The following RYR3 variants were observed in gnomAD, a reference collection of about 807,000 sequenced individuals.
RYR3 encodes ryanodine receptor 3.
In RYR3, 207 loss-of-function variants were observed where a neutral mutation model predicts 584.3. The ratio of observed to expected loss-of-function variants is 0.35; its 90% CI spans 0.32 to 0.40. RYR3 has a LOEUF of 0.40. Ranked by LOEUF, RYR3 falls within the 10% of genes least tolerant of loss-of-function variation. RYR3 has a pLI of 1.00. For missense variants in RYR3, 5,616 were observed against 6,089.2 expected, an observed-to-expected ratio of 0.92 and a Z score of 2.59; for synonymous variants, 2,416 against 2,248.5, an observed-to-expected ratio of 1.07 and a Z score of -2.11.
intron 2 of RYR3, among the ~76,000 whole-genome samples, chr15:33,500,673 T>C (rs901884806): frequency 6.6e-6 from 1 of 152,162 alleles, no homozygotes; most frequent in African/African-American, 2.4e-5. Flanking sequence ...ACTTGCCCCG[T>C]GCCTGCCAGG....
At chr15:33,699,484 C>T (rs1171684463) in intron 40 of RYR3, among the ~76,000 whole-genome samples, 1 of 151,828 alleles carries the variant, frequency 6.6e-6, no homozygotes, top group Non-Finnish European at 1.5e-5. Context: ...ACATGACTTC[C>T]GAGGATGATT....
In RYR3 at chr15:33,623,893, C is replaced by T; in HGVS notation, c.2444C>T (p.Pro815Leu). The change falls in exon 20 of 104, where the codon CCA becomes CTA. Residue 815 changes from proline (P) to leucine (L), a missense_variant. Transcript: ENST00000634891. ...GCCCCTTGCTATGAAGCCTTACTTC[C>T]AAAAGAGAAGATGAGATTGGAGCCT... ...GYAPCYEALL[P>L]KEKMRLEPVK... 1 of 1,613,730 alleles carries T rather than the reference C, an allele frequency of 6.2e-7. No individual in the cohort carries two copies. The highest frequency in any genetic ancestry group is 8.5e-7 in the Non-Finnish European group (1 of 1,179,730).
chr15:33,666,850 C>T (rs1232455489), intron 36 of RYR3, among the ~76,000 whole-genome samples: 1 of 152,186 alleles, frequency 6.6e-6, no homozygotes, highest in Non-Finnish European at 1.5e-5. Flanking sequence ...TCAGCTCAAC[C>T]CAGCTTTCTG....
chr15:33,611,236 CCTA>C (rs2060168483), intron 18 of RYR3, among the ~76,000 whole-genome samples: 1 of 152,020 alleles, frequency 6.6e-6, no homozygotes, highest in African/African-American at 2.4e-5. Flanking sequence ...GCTACAAAAA[CCTA>C]CTATACCCCA....
chr15:33,541,657 C>T (rs1298889995), intron 7 of RYR3, among the ~76,000 whole-genome samples: 1 of 152,130 alleles, frequency 6.6e-6, no homozygotes. Flanking sequence ...CTAGTACTTT[C>T]AAACTGGGAA....
chr15:33,340,584 G>A (rs1345747677), intron 1 of RYR3, among the ~76,000 whole-genome samples: 1 of 152,126 alleles, frequency 6.6e-6, no homozygotes, highest in Non-Finnish European at 1.5e-5. Flanking sequence ...TCTCTCTTTG[G>A]CTTGTGGATG....
At chr15:33,694,019 G>A (rs574060765) in intron 38 of RYR3, among the ~76,000 whole-genome samples, 9 of 152,192 alleles carry the variant, frequency 5.9e-5, no homozygotes, top group East Asian at 3.9e-4. Context: ...CCAGGAGGAC[G>A]TTACTTTTCT....
chr15:33,440,521 A>G (rs1030605012), intron 1 of RYR3, among the ~76,000 whole-genome samples: 1 of 152,158 alleles, frequency 6.6e-6, no homozygotes, highest in Non-Finnish European at 1.5e-5. Flanking sequence ...TGCTATTGGC[A>G]TCTAGTGGGT....
rs557684600 is a variant in RYR3, at chr15:33,458,455, C to T, written c.52-14964C>T. Among the ~76,000 whole-genome samples the T allele has an allele frequency of 1.4e-3, 216 of 152,308 alleles. 1 individual carries two copies. The highest frequency in any genetic ancestry group is 5.0e-3 in the African/African-American group (206 of 41,568). ...CCTGGTTCTCAGCCTGCAGAGGCCACGTCGTGGGACTTCTCAGCTTCCATA... is the reference window on the plus strand; with the variant it reads ...CCTGGTTCTCAGCCTGCAGAGGCCATGTCGTGGGACTTCTCAGCTTCCATA... On this transcript the variant is annotated intron_variant, in intron 1 of 103. Transcript: ENST00000634891.
chr15:33,738,277 G>A (rs1210934624), intron 49 of RYR3, among the ~76,000 whole-genome samples, 173 bp from the exon 50 acceptor site: 2 of 152,166 alleles, frequency 1.3e-5, no homozygotes, highest in Non-Finnish European at 2.9e-5. Context: ...CCCAGCTTGA[G>A]AGCAGACTGT....
intron 24 of RYR3, among the ~76,000 whole-genome samples, chr15:33,633,974 T>A (rs530877138): frequency 6.6e-6 from 1 of 152,358 alleles, no homozygotes; most frequent in South Asian, 2.1e-4. Flanking sequence ...TGCTTTGCCT[T>A]GGGAATGGAG....
intron 1 of RYR3, among the ~76,000 whole-genome samples, chr15:33,440,197 G>T (rs2676021): frequency 6.6e-6 from 1 of 151,980 alleles, no homozygotes; most frequent in African/African-American, 2.4e-5. Context: ...TGAGGTGGGA[G>T]GATCACTTGA....
intron 78 of RYR3, 96 bp downstream of exon 78, chr15:33,820,908 C>CTCTTGTCTCT: frequency 1.8e-6 from 1 of 542,060 alleles, no homozygotes; most frequent in Non-Finnish European, 3.1e-6. Context: ...TTGAGCATTT[C>CTCTTGTCTCT]CTGCATTCAG....
intron 1 of RYR3, among the ~76,000 whole-genome samples, chr15:33,424,647 C>G (rs1005861650): frequency 6.6e-6 from 1 of 152,146 alleles, no homozygotes; most frequent in African/African-American, 2.4e-5. Context: ...AAAAAGATTC[C>G]TCTCTCTGAA....
chr15:33,608,816 A>G (rs2060030845), intron 18 of RYR3, among the ~76,000 whole-genome samples: 1 of 152,246 alleles, frequency 6.6e-6, no homozygotes, highest in South Asian at 2.1e-4. Flanking sequence ...AGGTGGGAAA[A>G]GACAGTGTCT....
At chr15:33,346,759 G>A (rs937690838) in intron 1 of RYR3, among the ~76,000 whole-genome samples, 10 of 152,072 alleles carry the variant, frequency 6.6e-5, no homozygotes, top group African/African-American at 2.2e-4. Context: ...CAGCATAATC[G>A]TGCTTGCTTT....
intron 51 of RYR3, among the ~76,000 whole-genome samples, chr15:33,741,815 C>T (rs1003957267): frequency 2.6e-5 from 4 of 152,164 alleles, no homozygotes; most frequent in East Asian, 1.9e-4. Context: ...GGGGTTTCAC[C>T]GTGTTAGCCA....
chr15:33,352,279 T>C (rs967456471), intron 1 of RYR3, among the ~76,000 whole-genome samples: 3 of 152,190 alleles, frequency 2.0e-5, no homozygotes, highest in African/African-American at 7.2e-5. Flanking sequence ...CCCCTTTCTG[T>C]GGCTTATCTT....
At chr15:33,431,362 C>A in intron 1 of RYR3, among the ~76,000 whole-genome samples, 1 of 152,102 alleles carries the variant, frequency 6.6e-6, no homozygotes, top group Non-Finnish European at 1.5e-5. Flanking sequence ...TTATGAGATA[C>A]CATATAGTTT....
Sources: gnomAD v4.1 joint callset for allele counts (sites outside exome capture counted in the v4.1 genomes callset) on GRCh38, gnomAD v4.1.1 for gene constraint, MANE v1.5 for transcripts, NCBI Gene and HGNC (gene_info 2026-07-23, HGNC 2026-07-21) for gene names.